Variants in CTNND2 observed in about 807,000 individuals in gnomAD.
CTNND2 encodes catenin delta 2, also known as catenin delta-2.
A neutral mutation model predicts 144.4 loss-of-function variants in CTNND2; 22 were observed. The ratio of observed to expected loss-of-function variants is 0.15; its 90% CI spans 0.11 to 0.22. The LOEUF is 0.22. Ranked by LOEUF, CTNND2 falls within the 10% of genes least tolerant of loss-of-function variation. The pLI is 1.00. For synonymous variants in CTNND2, 751 were observed against 695.6 expected (o/e 1.08, Z -1.25); for missense variants, 1,353 against 1,618.8 (o/e 0.84, Z 2.82).
chr5:11,426,851 C>A (rs1762825408), intron 3 of CTNND2, among the ~76,000 whole-genome samples: 1 of 152,138 alleles, frequency 6.6e-6, no homozygotes, highest in Non-Finnish European at 1.5e-5. Flanking sequence ...AAAGTCAGGG[C>A]AATTCATGGT....
chr5:11,336,849 A>AACAC (rs149179632), intron 9 of CTNND2, among the ~76,000 whole-genome samples: 38 of 150,474 alleles, frequency 2.5e-4, no homozygotes, highest in African/African-American at 8.3e-4. Flanking sequence ...ATATGGCACA[A>AACAC]ACACACACAC....
At chr5:11,524,339 T>A (rs1328076329) in intron 3 of CTNND2, among the ~76,000 whole-genome samples, 2 of 152,230 alleles carry the variant, frequency 1.3e-5, no homozygotes, top group African/African-American at 4.8e-5. Flanking sequence ...CACTAAGGCA[T>A]GAAATCTGAA....
intron 3 of CTNND2, among the ~76,000 whole-genome samples, chr5:11,467,997 T>C (rs187541894): frequency 5.4e-4 from 82 of 152,368 alleles, no homozygotes; most frequent in African/African-American, 1.9e-3. Flanking sequence ...TAAAAGTGTT[T>C]GTAAATTTCT....
intron 3 of CTNND2, among the ~76,000 whole-genome samples, chr5:11,530,743 G>A (rs31785): frequency 0.032 from 4,869 of 152,188 alleles, 96 homozygotes; most frequent in East Asian, 0.057. Flanking sequence ...CACTCATTTC[G>A]TCTACAACTA....
At chr5:11,403,273 A>G (rs554663375) in intron 5 of CTNND2, among the ~76,000 whole-genome samples, 1 of 151,540 alleles carries the variant, frequency 6.6e-6, no homozygotes, top group South Asian at 2.1e-4. Flanking sequence ...TCATTGTTCA[A>G]CTCCCACTTA....
chr5:11,672,820 C>T (rs1783972978), intron 2 of CTNND2, among the ~76,000 whole-genome samples: 1 of 152,100 alleles, frequency 6.6e-6, no homozygotes, highest in Admixed American at 6.6e-5. Flanking sequence ...TCCGTTCCTC[C>T]CAGTACAGTC....
intron 1 of CTNND2, among the ~76,000 whole-genome samples, chr5:11,898,648 T>C (rs759179322): frequency 7.9e-5 from 12 of 152,322 alleles, no homozygotes; most frequent in African/African-American, 2.9e-4. Flanking sequence ...AAATGTTACA[T>C]ATATTTATTT....
chr5:11,438,043 A>T (rs1212219174), intron 3 of CTNND2, among the ~76,000 whole-genome samples: 1 of 152,192 alleles, frequency 6.6e-6, no homozygotes, highest in African/African-American at 2.4e-5. Flanking sequence ...GAACCTGATG[A>T]TCTAACCTAA....
At chr5:11,248,376 T>C (rs958612192) in intron 9 of CTNND2, among the ~76,000 whole-genome samples, 7 of 152,048 alleles carry the variant, frequency 4.6e-5, no homozygotes, top group Non-Finnish European at 7.4e-5. Context: ...GGCACATGTG[T>C]ATGTATATGT....
At chr5:11,233,604 G>A (rs551194514) in intron 10 of CTNND2, among the ~76,000 whole-genome samples, 8 of 152,272 alleles carry the variant, frequency 5.3e-5, no homozygotes, top group Admixed American at 4.6e-4. Context: ...ATGAAAACAC[G>A]ACAGGCAGCC....
intron 3 of CTNND2, among the ~76,000 whole-genome samples, chr5:11,544,313 G>A (rs1234958335): frequency 6.6e-6 from 1 of 151,986 alleles, no homozygotes; most frequent in Non-Finnish European, 1.5e-5. Flanking sequence ...AACTTAAAGT[G>A]GCATATTAGA....
At chr5:11,255,484 CA>C (rs1447418248) in intron 9 of CTNND2, among the ~76,000 whole-genome samples, 8 of 152,240 alleles carry the variant, frequency 5.3e-5, no homozygotes, top group African/African-American at 1.9e-4. Flanking sequence ...AAACATCTTT[CA>C]AAAAATACTT....
chr5:11,163,600 C>G (rs906918705), intron 11 of CTNND2, among the ~76,000 whole-genome samples: 2 of 152,306 alleles, frequency 1.3e-5, no homozygotes, highest in East Asian at 3.9e-4. Flanking sequence ...GCTTCACTTT[C>G]CTATCCCTTT....
chr5:11,594,867 T>C (rs1779425325), intron 2 of CTNND2, among the ~76,000 whole-genome samples: 1 of 152,240 alleles, frequency 6.6e-6, no homozygotes, highest in Non-Finnish European at 1.5e-5. Context: ...AAAATGTTTA[T>C]GCTAACAAAA....
chr5:11,245,492 C>G (rs895534142), intron 9 of CTNND2, among the ~76,000 whole-genome samples: 1 of 152,072 alleles, frequency 6.6e-6, no homozygotes, highest in African/African-American at 2.4e-5. Flanking sequence ...ACGCACGAGG[C>G]CATGCTGCTG....
In CTNND2 at chr5:11,465,302, C is replaced by CTT. The variant is rs538279094; in HGVS notation, c.288-53235_288-53234dup. ...ATAGCACAGAATATCCAAAACTGAA[C>CTT]TTTTTTTTTTTTTTTGCATTCTCTT... On this transcript the variant is annotated intron_variant, in intron 3 of 21. Transcript: ENST00000304623. Among the ~76,000 whole-genome samples, 402 of 139,396 alleles carry CTT rather than the reference C, an allele frequency of 2.9e-3. 4 individuals carry two copies. Among genetic ancestry groups the CTT allele is most frequent in the African/African-American group, 9.7e-3 (372 of 38,366 alleles). The allele number at this position is 139,396 out of a possible 152,430, so 91.4% of individuals were successfully genotyped here. A position where few individuals can be genotyped will look rare whatever the true frequency, so the allele number is the denominator to read the frequency against.
chr5:11,523,877 G>A (rs1772981732), intron 3 of CTNND2, among the ~76,000 whole-genome samples: 1 of 152,088 alleles, frequency 6.6e-6, no homozygotes, highest in African/African-American at 2.4e-5. Context: ...GGGTGCAGGG[G>A]GTCTGCACGT....
chr5:11,477,360 G>A (rs888695713), intron 3 of CTNND2, among the ~76,000 whole-genome samples: 2 of 148,954 alleles, frequency 1.3e-5, no homozygotes, highest in Admixed American at 6.8e-5. Context: ...AAGGAAAAAT[G>A]TTTATGAATA....
At chr5:11,512,490 T>C (rs1771746885) in intron 3 of CTNND2, among the ~76,000 whole-genome samples, 1 of 152,220 alleles carries the variant, frequency 6.6e-6, no homozygotes, top group Non-Finnish European at 1.5e-5. Context: ...GCATCTTGAT[T>C]TTCAACTGTA....
Sources: allele counts gnomAD v4.1 joint callset (sites outside exome capture counted in the v4.1 genomes callset), GRCh38; gene constraint gnomAD v4.1.1; transcripts MANE v1.5; gene names NCBI Gene and HGNC (gene_info 2026-07-23, HGNC 2026-07-21).